NUP153: variants seen among roughly 807,000 people sequenced by gnomAD.
NUP153 encodes nuclear pore complex protein Nup153.
A neutral mutation model predicts 134.6 loss-of-function variants in NUP153; 27 were observed. The observed-to-expected ratio is 0.20, with a 90% CI of 0.15 to 0.28. The LOEUF is 0.28. Among genes scored for constraint, NUP153 ranks in the 10% least tolerant of loss-of-function variants. The pLI is 1.00. For missense variants in NUP153, 1,821 were observed against 1,731.3 expected, an observed-to-expected ratio of 1.05 and a Z score of -0.92; for synonymous variants, 640 against 623.5, an observed-to-expected ratio of 1.03 and a Z score of -0.40.
intron 12 of NUP153, among the ~76,000 whole-genome samples, chr6:17,648,445 T>C (rs893939466): frequency 1.3e-5 from 2 of 152,000 alleles, no homozygotes; most frequent in African/African-American, 2.4e-5. Context: ...GGTGAAACCC[T>C]GTCTCTACTA....
chr6:17,634,193 C>T (rs748032185), intron 16 of NUP153, among the ~76,000 whole-genome samples: 1 of 152,110 alleles, frequency 6.6e-6, no homozygotes, highest in African/African-American at 2.4e-5. Context: ...CCTTTGAAAT[C>T]CATCTTCCTC....
chr6:17,706,708 C>T lies in NUP153; in HGVS notation c.-321G>A, dbSNP rs1770527501. ...GCAGAGGACAGCACGAACAGTTCCC[C>T]GCGGTGCTGAGGCCTAACTCGACCG... On this transcript the variant is annotated 5_prime_UTR_variant, in exon 1 of 22. Transcript: ENST00000262077. The surrounding 1 kb of genome is among the most constrained non-coding windows in gnomAD (Gnocchi z 5.9). 1 of 378,082 alleles carries T rather than the reference C, an allele frequency of 2.6e-6. No homozygotes were observed. Among genetic ancestry groups the T allele is most frequent in the Non-Finnish European group, 4.8e-6 (1 of 206,934 alleles). The allele number at this position is 378,082 out of a possible 1,614,324, so 23.4% of individuals were successfully genotyped here.
At chr6:17,624,537 C>T (rs1217547803) in intron 20 of NUP153, 24 bp downstream of exon 20, 2 of 1,609,968 alleles carry the variant, frequency 1.2e-6, no homozygotes, top group African/African-American at 1.3e-5. Flanking sequence ...CATACAGATA[C>T]TAACAGCATC....
At chr6:17,703,153 G>C (rs1040068719) in intron 1 of NUP153, among the ~76,000 whole-genome samples, 1 of 144,594 alleles carries the variant, frequency 6.9e-6, no homozygotes, top group Non-Finnish European at 1.5e-5. Context: ...AGCCAAGATC[G>C]AGCCACTGCA....
Position 17,640,038 on chromosome 6 carries a change from T to A in NUP153, c.1747A>T (p.Thr583Ser). The change falls in exon 15 of 22, where the codon ACA (threonine) becomes TCA (serine). Residue 583 changes from threonine (T) to serine (S), a missense_variant. Transcript: ENST00000262077. ...SAHHVTTVNSTNCKKTPPEDC... is the reference protein window; with the variant it reads ...SAHHVTTVNSSNCKKTPPEDC... ...TCAGGTGGTGTCTTCTTACAATTTG[T>A]ACTGTTCACTGTAGTGACATGATGA... The A allele has an allele frequency of 6.2e-7, 1 of 1,610,230 alleles. No individual in the cohort carries two copies. Among genetic ancestry groups the A allele is most frequent in the South Asian group, 1.1e-5 (1 of 90,408 alleles).
At chr6:17,664,909 T>C (rs1347030505) in intron 9 of NUP153, among the ~76,000 whole-genome samples, 1 of 151,758 alleles carries the variant, frequency 6.6e-6, no homozygotes, top group Non-Finnish European at 1.5e-5. Context: ...AAAAATTAGC[T>C]GGGTGAGGTG....
At chr6:17,705,914 T>A (rs775848444) in intron 1 of NUP153, among the ~76,000 whole-genome samples, 16 of 152,090 alleles carry the variant, frequency 1.1e-4, no homozygotes, top group Non-Finnish European at 1.6e-4. Context: ...CATCTTTTCC[T>A]TTCTCCCTCG....
At chr6:17,683,945 G>A (rs1768764255) in intron 2 of NUP153, among the ~76,000 whole-genome samples, 1 of 152,158 alleles carries the variant, frequency 6.6e-6, no homozygotes, top group African/African-American at 2.4e-5. Flanking sequence ...TTTGGGTCAT[G>A]GGGGCAGATT....
intron 1 of NUP153, among the ~76,000 whole-genome samples, chr6:17,694,488 G>C (rs1343428481): frequency 6.6e-6 from 1 of 151,940 alleles, no homozygotes; most frequent in East Asian, 1.9e-4. Flanking sequence ...GTGAAACCCT[G>C]TCTCTACAGA....
chr6:17,706,054 G>A lies in NUP153; in HGVS notation c.111+223C>T, dbSNP rs1770469916. Among the ~76,000 whole-genome samples, 1 of 152,180 alleles carries A rather than the reference G, an allele frequency of 6.6e-6. No individual in the cohort carries two copies. The highest frequency in any genetic ancestry group is 2.4e-5 in the African/African-American group (1 of 41,448). On this transcript the variant is annotated intron_variant, in intron 1 of 21. Transcript: ENST00000262077. The surrounding 1 kb of genome is among the most constrained non-coding windows in gnomAD (Gnocchi z 5.9). ...GAAAGCCCCTGACCCAGAGAGTTGG[G>A]GGAAAGGCGGCCCAAACCACACGTG...
At chr6:17,705,606 C>T (rs1304669551) in intron 1 of NUP153, among the ~76,000 whole-genome samples, 1 of 150,436 alleles carries the variant, frequency 6.6e-6, no homozygotes, top group African/African-American at 2.5e-5. Context: ...AGGGGAGTCG[C>T]GCAGCAGAGA....
rs773926129 is a variant in NUP153 at position 17,680,718 on chromosome 6, C to A, written c.335-4948G>T. On this transcript the variant is annotated intron_variant, in intron 2 of 21. Coordinates refer to ENST00000262077, the MANE Select transcript of NUP153 (RefSeq NM_005124.4). This position sits in a 1 kb window ranked among gnomAD's most constrained non-coding sequence, Gnocchi z 4.5. Reference sequence around the variant, plus strand: ...TGTGATAAGGGATTAATATCCAGAACATAAAAAGTACTCCAACCCCCAGTG... The same window carrying A: ...TGTGATAAGGGATTAATATCCAGAAAATAAAAAGTACTCCAACCCCCAGTG... Among the ~76,000 whole-genome samples, 1 of 152,116 alleles carries A rather than the reference C, an allele frequency of 6.6e-6. No homozygotes were observed. The highest frequency in any genetic ancestry group is 2.4e-5 in the African/African-American group (1 of 41,426).
Position 17,628,718 on chromosome 6 carries a change from T to C in NUP153, c.3481A>G (p.Lys1161Glu), listed in dbSNP as rs1765073690. 9 of 1,613,998 alleles carry C rather than the reference T, an allele frequency of 5.6e-6. No individual in the cohort carries two copies. In the South Asian group the frequency reaches 8.8e-5, roughly 16 times the overall value. ...GCTTTTGCTGGCTGTTCAGATTCCT[T>C]CTCAGATGGTTTTGTCATACTAAAA... ...FSFSMTKPSE[K>E]ESEQPAKATF... The change falls in exon 18 of 22, where the codon AAG becomes GAG. Residue 1161 changes from lysine to glutamate, a missense_variant. Physicochemically the swap from Lys to Glu is moderately conservative, Grantham distance 56 (BLOSUM62 1). Transcript: ENST00000262077. This position sits in a 1 kb window ranked among gnomAD's most constrained non-coding sequence, Gnocchi z 5.4.
chr6:17,645,211 C>G (rs189314542), intron 14 of NUP153, among the ~76,000 whole-genome samples: 74 of 150,996 alleles, frequency 4.9e-4, no homozygotes, highest in African/African-American at 1.7e-3. Flanking sequence ...CCATTGCACT[C>G]CAGCCTGGGC....
intron 2 of NUP153, among the ~76,000 whole-genome samples, chr6:17,685,647 G>A (rs1425546111): frequency 1.3e-5 from 2 of 151,936 alleles, no homozygotes; most frequent in African/African-American, 4.8e-5. Flanking sequence ...GCCATCCTAA[G>A]GCCTTAGTGC....
chr6:17,645,909 C>A (rs962070151), intron 14 of NUP153, among the ~76,000 whole-genome samples, 158 bp downstream of exon 14: 13 of 152,102 alleles, frequency 8.5e-5, no homozygotes, highest in African/African-American at 3.1e-4. Flanking sequence ...ATAAAAAGCA[C>A]CGTCAAAAAG....
chr6:17,654,824 G>A (rs1175979627), intron 11 of NUP153, among the ~76,000 whole-genome samples: 2 of 152,138 alleles, frequency 1.3e-5, no homozygotes, highest in Non-Finnish European at 2.9e-5. Flanking sequence ...TCTCATATGA[G>A]GTAGATACTA....
intron 17 of NUP153, among the ~76,000 whole-genome samples, chr6:17,632,423 T>A (rs1765304863): frequency 6.6e-6 from 1 of 152,114 alleles, no homozygotes; most frequent in Admixed American, 6.6e-5. Context: ...ACAAGAAATT[T>A]TTTTTCCCAC....
chr6:17,679,430 T>G (rs1055148566), intron 2 of NUP153, among the ~76,000 whole-genome samples: 8 of 152,308 alleles, frequency 5.3e-5, no homozygotes, highest in Admixed American at 3.9e-4. Context: ...ATTGTTGGGA[T>G]GTCAATACTA....
Sources: allele counts gnomAD v4.1 joint callset (sites outside exome capture counted in the v4.1 genomes callset), GRCh38; gene constraint gnomAD v4.1.1; non-coding constraint Gnocchi (gnomAD v3.1); transcripts MANE v1.5; gene names NCBI Gene and HGNC (gene_info 2026-07-23, HGNC 2026-07-21).